The following UBASH3B variants were observed in gnomAD, a reference collection of about 807,000 sequenced individuals.
The protein encoded by UBASH3B is ubiquitin-associated and SH3 domain-containing protein B.
A neutral mutation model predicts 83.4 loss-of-function variants in UBASH3B; 37 were observed. The ratio of observed to expected loss-of-function variants is 0.44; its 90% confidence interval spans 0.34 to 0.58. The LOEUF (loss-of-function observed/expected upper bound fraction) is 0.58, where lower values mean the gene tolerates loss of function less well. UBASH3B is among the 20% of genes least tolerant of loss of function. The pLI is 0.01. For missense variants in UBASH3B, 657 were observed against 827.2 expected (o/e 0.79, Z 2.52); for synonymous variants, 304 against 318.3 (o/e 0.96, Z 0.48).
chr11:122,779,398 G>A, intron 3 of UBASH3B, 99 bp from the exon 4 acceptor site: 1 of 1,325,078 alleles, frequency 7.5e-7, no homozygotes, highest in South Asian at 1.2e-5. Context: ...TGCATTATCA[G>A]CCTCCTCCAG....
chr11:122,699,714 C>G lies in UBASH3B; in HGVS notation c.161+43504C>G, dbSNP rs540998858. On this transcript the variant is annotated intron_variant, in intron 1 of 13. Transcript: ENST00000284273. ...CCTCCCACCTCAGCCTCCTGAGTAG[C>G]TAGGACTAGAGGCAAATGCCATGAC... Among the ~76,000 whole-genome samples the G allele has an allele frequency of 1.7e-3, 266 of 152,178 alleles. 1 individual carries two copies. The highest frequency in any genetic ancestry group is 6.1e-3 in the African/African-American group (254 of 41,524).
intron 1 of UBASH3B, among the ~76,000 whole-genome samples, chr11:122,772,841 C>T (rs1043186010): frequency 2.6e-5 from 4 of 152,072 alleles, no homozygotes; most frequent in African/African-American, 9.7e-5. Context: ...AGAGTTTTTA[C>T]ACTATTTCTT....
chr11:122,666,367 C>G (rs1863518736), intron 1 of UBASH3B, among the ~76,000 whole-genome samples: 1 of 152,122 alleles, frequency 6.6e-6, no homozygotes, highest in Non-Finnish European at 1.5e-5. Flanking sequence ...CGCTGGAGTT[C>G]TCAACCATGG....
At chr11:122,664,980 C>T (rs1240805464) in intron 1 of UBASH3B, among the ~76,000 whole-genome samples, 1 of 152,212 alleles carries the variant, frequency 6.6e-6, no homozygotes, top group Non-Finnish European at 1.5e-5. Context: ...GCAATCTCAG[C>T]TCACTGCAAG....
At position 122,656,129 on chromosome 11, in the gene UBASH3B, A is replaced by G; in HGVS notation, c.80A>G (p.Asn27Ser). Residue 27 changes from asparagine to serine, a missense_variant, in exon 1 of 14, where the codon AAC becomes AGC. Coordinates refer to ENST00000284273, the MANE Select transcript of UBASH3B (RefSeq NM_032873.5). ...TACAGCAAAGTCACCCCCCGGAGGA[A>G]CCGCCAACAGCGCCCCGGCACCATC... ...ELYSKVTPRR[N>S]RQQRPGTIKH... 4 of 1,596,314 alleles carry G rather than the reference A, an allele frequency of 2.5e-6. No homozygotes were observed. The South Asian group carries it at 4.5e-5, about 18-fold the overall frequency.
rs73020252 is a variant in UBASH3B at position 122,763,951 on chromosome 11, T to C, written c.162-12268T>C. Among the ~76,000 whole-genome samples the C allele has an allele frequency of 8.7e-3, 1,324 of 152,308 alleles. 6 individuals carry two copies. The highest frequency in any genetic ancestry group is 0.014 in the Non-Finnish European group (919 of 68,022). On this transcript the variant is annotated intron_variant, in intron 1 of 13. Transcript: ENST00000284273. ...GCCCAGGCTCTTTGCAAGCCTATTT[T>C]ACTGGCCTTGGTGATAAAAAGTAGC...
At chr11:122,744,934 G>T (rs141155711) in intron 1 of UBASH3B, among the ~76,000 whole-genome samples, 1 of 120,600 alleles carries the variant, frequency 8.3e-6, no homozygotes, top group Non-Finnish European at 1.8e-5. Context: ...TGAGTGTGCC[G>T]CACAGCCCGG....
chr11:122,683,603 T>TC (rs1338850383), intron 1 of UBASH3B, among the ~76,000 whole-genome samples: 1,392 of 28,090 alleles, frequency 0.05, 24 homozygotes, highest in Middle Eastern at 0.18. Flanking sequence ...AGACTCCTTC[T>TC]CAAAAAAAAA....
intron 1 of UBASH3B, among the ~76,000 whole-genome samples, chr11:122,760,120 C>T (rs1300720662): frequency 1.3e-5 from 2 of 152,166 alleles, no homozygotes; most frequent in African/African-American, 4.8e-5. Context: ...GCAAAGAAAA[C>T]AAGAAATGGT....
chr11:122,789,224 C>A lies in UBASH3B; in HGVS notation c.896C>A (p.Thr299Lys), dbSNP rs766138790. The change falls in exon 6 of 14, where the codon ACG becomes AAG. Residue 299 changes from threonine (T) to lysine (K), a missense_variant. By Grantham distance (78) the Thr-to-Lys change is moderately conservative. Around this residue, in one of 3 missense-constraint regions of UBASH3B, gnomAD observed 573 missense variants for 739.0 expected, o/e 0.78. Coordinates refer to ENST00000284273, the MANE Select transcript of UBASH3B (RefSeq NM_032873.5). ...ACCAGCGAGGGTTGGATCTATGGCACGTCCTTAACCACCGGCTGCTCTGGA... is the reference window on the plus strand; with the variant it reads ...ACCAGCGAGGGTTGGATCTATGGCAAGTCCTTAACCACCGGCTGCTCTGGA... ...TSTSEGWIYG[T>K]SLTTGCSGLL... 1.9e-6 allele frequency: 3 copies of A among 1,614,180 alleles called. No homozygotes were observed. The Admixed American group carries it at 5.0e-5, about 27-fold the overall frequency.
At chr11:122,809,539 T>C (rs970531886) in intron 13 of UBASH3B, among the ~76,000 whole-genome samples, 2 of 148,666 alleles carry the variant, frequency 1.3e-5, no homozygotes, top group Non-Finnish European at 3.0e-5. Flanking sequence ...TTCTGATGAA[T>C]CCTCTTGCAA....
At chr11:122,675,721 G>T (rs1179776364) in intron 1 of UBASH3B, among the ~76,000 whole-genome samples, 1 of 152,182 alleles carries the variant, frequency 6.6e-6, no homozygotes, top group Non-Finnish European at 1.5e-5. Context: ...TGGCCCCAGT[G>T]AATTCCTGAG....
chr11:122,773,175 T>A (rs1860677386), intron 1 of UBASH3B, among the ~76,000 whole-genome samples: 1 of 152,204 alleles, frequency 6.6e-6, no homozygotes, highest in South Asian at 2.1e-4. Context: ...CTCCGCATAC[T>A]CCCACTTGCC....
At chr11:122,712,998 C>T (rs1450393913) in intron 1 of UBASH3B, among the ~76,000 whole-genome samples, 6 of 148,792 alleles carry the variant, frequency 4.0e-5, no homozygotes, top group Non-Finnish European at 8.9e-5. Context: ...AGCTCCGCCT[C>T]CTGGGTTCAC....
intron 1 of UBASH3B, among the ~76,000 whole-genome samples, chr11:122,763,538 A>AT (rs907453484): frequency 1.3e-5 from 2 of 151,754 alleles, no homozygotes; most frequent in Non-Finnish European, 2.9e-5. Context: ...AGCTCAGGAA[A>AT]TTTTTTTTCC....
chr11:122,803,606 C>T (rs1861291637), intron 11 of UBASH3B, among the ~76,000 whole-genome samples: 1 of 152,110 alleles, frequency 6.6e-6, no homozygotes, highest in African/African-American at 2.4e-5. Context: ...GCAGAAAAAA[C>T]AAAATCCACA....
intron 13 of UBASH3B, 62 bp from the exon 14 acceptor site, chr11:122,809,687 G>T: frequency 1.3e-6 from 2 of 1,567,844 alleles, no homozygotes; most frequent in Admixed American, 1.7e-5. Context: ...TTGTATTTAG[G>T]TAAAAGTTAA....
At chr11:122,744,892 T>TGTGTGCGC (rs1861088471) in intron 1 of UBASH3B, among the ~76,000 whole-genome samples, 1 of 138,534 alleles carries the variant, frequency 7.2e-6, no homozygotes, top group Admixed American at 6.9e-5. Context: ...TGTGTGTGTG[T>TGTGTGCGC]GTGTGTGCGC....
chr11:122,782,254 A>G (rs924679249), intron 4 of UBASH3B: 5 of 149,514 alleles, frequency 3.3e-5, no homozygotes, highest in African/African-American at 4.9e-5. Context: ...AAAAAAAAAA[A>G]GTACCAGAGA....
Sources: gnomAD v4.1 joint callset for allele counts (sites outside exome capture counted in the v4.1 genomes callset) on GRCh38, gnomAD v4.1.1 for gene constraint, gnomAD v4.1.1 regional missense constraint, MANE v1.5 for transcripts, NCBI Gene and HGNC (gene_info 2026-07-23, HGNC 2026-07-21) for gene names.